VWA5A: variants seen among roughly 807,000 people sequenced by gnomAD.
VWA5A encodes von Willebrand factor A domain containing 5A, also known as von Willebrand factor A domain-containing protein 5A.
VWA5A carries 77 observed loss-of-function variants against 84.6 expected under a neutral mutation model. The observed-to-expected ratio is 0.91, with a 90% confidence interval of 0.76 to 1.10. The LOEUF (loss-of-function observed/expected upper bound fraction) is 1.10, where lower values mean the gene tolerates loss of function less well. VWA5A is among the 50% of genes least tolerant of loss of function. The pLI is 0.00. For missense variants in VWA5A, 973 were observed against 963.0 expected, an observed-to-expected ratio of 1.01 and a Z score of -0.14; for synonymous variants, 334 against 350.1, an observed-to-expected ratio of 0.95 and a Z score of 0.51.
chr11:124,133,651 T>C (rs1865130434), intron 11 of VWA5A, among the ~76,000 whole-genome samples: 1 of 152,192 alleles, frequency 6.6e-6, no homozygotes, highest in Non-Finnish European at 1.5e-5. Flanking sequence ...ACAGTTCTTC[T>C]GCTTGCCTGC....
At chr11:124,137,839 A>T (rs1591365173) in intron 15 of VWA5A, among the ~76,000 whole-genome samples, 1 of 152,078 alleles carries the variant, frequency 6.6e-6, no homozygotes, top group Admixed American at 6.5e-5. Flanking sequence ...TCCTGTCTTT[A>T]TATATTTGTT....
chr11:124,135,773 G>A (rs969957186), intron 12 of VWA5A, among the ~76,000 whole-genome samples: 1 of 151,486 alleles, frequency 6.6e-6, no homozygotes, highest in Non-Finnish European at 1.5e-5. Context: ...CTCGTGATCC[G>A]CCCGCCTCGG....
chr11:124,137,504 G>A (rs1037916635), intron 15 of VWA5A, among the ~76,000 whole-genome samples: 1 of 152,192 alleles, frequency 6.6e-6, no homozygotes, highest in Non-Finnish European at 1.5e-5. Context: ...ACATTAAAAT[G>A]TAGAAAGTGC....
chr11:124,146,961 G>A lies in VWA5A; in HGVS notation c.*1016G>A, dbSNP rs1006232027. The A allele has an allele frequency of 6.0e-6, 1 of 166,632 alleles. No homozygotes were observed. The highest frequency in any genetic ancestry group is 1.9e-4 in the East Asian group (1 of 5,206). The allele number at this position is 166,632 out of a possible 1,614,324, so 10.3% of individuals were successfully genotyped here. ...CGTCTCCCTACCCCACAATATTTTGGTACTGCCACTTTGGGAAGCCAAACT... is the reference window on the plus strand; with the variant it reads ...CGTCTCCCTACCCCACAATATTTTGATACTGCCACTTTGGGAAGCCAAACT... On this transcript the variant is annotated 3_prime_UTR_variant, in exon 19 of 19. Transcript: ENST00000456829.
intron 18 of VWA5A, 108 bp downstream of exon 18, chr11:124,145,471 T>C: frequency 7.2e-7 from 1 of 1,382,436 alleles, no homozygotes; most frequent in Non-Finnish European, 9.5e-7. Flanking sequence ...GCTTCAGATC[T>C]TTACTAATCT....
chr11:124,145,507 A>C (rs1860803749), intron 18 of VWA5A, 144 bp downstream of exon 18: 1 of 1,271,014 alleles, frequency 7.9e-7, no homozygotes, highest in Admixed American at 3.0e-5. Flanking sequence ...TCTTGGGAGG[A>C]CAAGGGTGAA....
chr11:124,135,152 A>G (rs1865155531), intron 12 of VWA5A, 118 bp downstream of exon 12: 2 of 767,186 alleles, frequency 2.6e-6, no homozygotes, highest in Admixed American at 2.9e-5. Flanking sequence ...ACCTGTTCCT[A>G]TATCCCCAAG....
intron 11 of VWA5A, among the ~76,000 whole-genome samples, chr11:124,128,187 G>A (rs1865047684): frequency 6.6e-6 from 1 of 152,146 alleles, no homozygotes; most frequent in South Asian, 2.1e-4. Flanking sequence ...GTTAATTTTT[G>A]TAAAAGGTTT....
In VWA5A at chr11:124,117,845, A is replaced by G. The variant is rs1442291050; in HGVS notation, c.216A>G (p.Lys72=). Residue 72 remains lysine (K), a synonymous_variant, in exon 4 of 19, where the codon AAA becomes AAG. Transcript: ENST00000456829. ...YSFEALVDGK[K]IVAELQDKMK... is the part of the protein sequence containing the mutation. ...TTGAGGCCTTGGTGGATGGGAAGAA[A>G]ATTGTAGCAGAATTACAAGACAAGA... is the stretch of plus-strand genomic sequence containing the variant. 6.2e-7 allele frequency: 1 copy of G among 1,614,050 alleles called. No individual in the cohort carries two copies. Among genetic ancestry groups the G allele is most frequent in the Admixed American group, 1.7e-5 (1 of 60,000 alleles).
At chr11:124,115,531 G>A (rs1321716646) in intron 1 of VWA5A, 49 bp downstream of exon 1, 1 of 152,108 alleles carries the variant, frequency 6.6e-6, no homozygotes, top group African/African-American at 2.4e-5. Flanking sequence ...CCCCTGCTCT[G>A]GAAGACTGAG....
intron 2 of VWA5A, chr11:124,117,217 G>T: frequency 2.0e-6 from 1 of 498,478 alleles, no homozygotes; most frequent in Non-Finnish European, 3.6e-6. Flanking sequence ...ATACACTTTT[G>T]AGAAAGTGGA....
chr11:124,134,817 A>G (rs1865148677), intron 11 of VWA5A, 103 bp from the exon 12 acceptor site: 1 of 826,348 alleles, frequency 1.2e-6, no homozygotes, highest in Admixed American at 2.9e-5. Flanking sequence ...CTTTTGGTCA[A>G]GAAAGTAGAC....
At chr11:124,126,364 A>G (rs988970054) in intron 11 of VWA5A, among the ~76,000 whole-genome samples, 1 of 152,230 alleles carries the variant, frequency 6.6e-6, no homozygotes, top group Non-Finnish European at 1.5e-5. Flanking sequence ...GTCTATTTAC[A>G]TAGTATATCC....
chr11:124,123,056 T>A lies in VWA5A; in HGVS notation c.857T>A (p.Met286Lys). The A allele has an allele frequency of 6.2e-7, 1 of 1,614,182 alleles. No homozygotes were observed. The highest frequency in any genetic ancestry group is 8.5e-7 in the Non-Finnish European group (1 of 1,180,044). The change falls in exon 8 of 19, where the codon ATG (methionine) becomes AAG (lysine). Residue 286 changes from methionine to lysine, a missense_variant. Coordinates refer to ENST00000456829, the MANE Select transcript of VWA5A (RefSeq NM_001130142.2). ...SNTCGEFIFL[M>K]DRSGSMQSPM... ...ACCTGTGGAGAGTTTATCTTTCTCA[T>A]GGACCGCTCGGGAAGTATGCAGAGC...
In VWA5A at chr11:124,136,119, C is replaced by T. The variant is rs763678967; in HGVS notation, c.1360-10C>T. 3 of 1,612,632 alleles carry T rather than the reference C, an allele frequency of 1.9e-6. No homozygotes were observed. Among genetic ancestry groups the T allele is most frequent in the South Asian group, 2.2e-5 (2 of 90,962 alleles). On this transcript the variant is annotated splice_polypyrimidine_tract_variant and intron_variant, in intron 12 of 18. Transcript: ENST00000456829. ...CATTTGTGTTTATTCTGTTCTCTTC[C>T]CCACATTAGGCTCTCAGGACTCTGA... is the stretch of plus-strand genomic sequence containing the variant.
At chr11:124,122,826 T>C (rs1474994001) in intron 7 of VWA5A, 134 bp from the exon 8 acceptor site, 4 of 841,490 alleles carry the variant, frequency 4.8e-6, no homozygotes, top group Admixed American at 5.4e-5. Context: ...CAAGCAGTTA[T>C]GGTACATGAA....
At chr11:124,122,586 T>C (rs1864948360) in intron 7 of VWA5A, among the ~76,000 whole-genome samples, 1 of 152,244 alleles carries the variant, frequency 6.6e-6, no homozygotes, top group Non-Finnish European at 1.5e-5. Context: ...TTATTTGATT[T>C]GAAGAAAAGG....
intron 18 of VWA5A, among the ~76,000 whole-genome samples, chr11:124,145,630 C>T (rs1299279181): frequency 1.3e-5 from 2 of 152,162 alleles, no homozygotes; most frequent in African/African-American, 4.8e-5. Context: ...TGTCTCAGTA[C>T]CAAGCTGAGT....
intron 14 of VWA5A, 44 bp downstream of exon 14, chr11:124,136,718 T>G (rs1163287643): frequency 7.6e-6 from 9 of 1,177,538 alleles, no homozygotes; most frequent in Non-Finnish European, 1.1e-5. Context: ...CCTTCCTTCC[T>G]TCCTTCCTTC....
Sources: gnomAD v4.1 joint callset for allele counts (sites outside exome capture counted in the v4.1 genomes callset) on GRCh38, gnomAD v4.1.1 for gene constraint, MANE v1.5 for transcripts, NCBI Gene and HGNC (gene_info 2026-07-23, HGNC 2026-07-21) for gene names.